KIR2DL3: variants seen among roughly 807,000 people sequenced by gnomAD.
KIR2DL3 encodes killer cell immunoglobulin like receptor, two Ig domains and long cytoplasmic tail 3, also known as killer cell immunoglobulin-like receptor 2DL3.
KIR2DL3 carries 39 observed loss-of-function variants against 33.8 expected under a neutral mutation model. The observed-to-expected ratio is 1.15, with a 90% CI of 0.89 to 1.51. The LOEUF (loss-of-function observed/expected upper bound fraction) is 1.51. KIR2DL3 is among the 40% of genes most tolerant of loss of function. KIR2DL3 has a pLI of 0.00. For missense variants in KIR2DL3, 462 were observed against 426.2 expected (o/e 1.08, Z -0.74); for synonymous variants, 174 against 160.2 (o/e 1.09, Z -0.65).
At chr19:54,741,172 T>G (rs1217609581) in intron 2 of KIR2DL3, among the ~76,000 whole-genome samples, 6 of 150,700 alleles carry the variant, frequency 4.0e-5, no homozygotes, top group East Asian at 1.9e-4. Context: ...CAAGGACAAG[T>G]TAAGAAACAA....
At chr19:54,748,331 C>A (rs1172929045) in intron 5 of KIR2DL3, among the ~76,000 whole-genome samples, 7 of 150,792 alleles carry the variant, frequency 4.6e-5, no homozygotes, top group African/African-American at 1.7e-4. Context: ...ATCCAGGATA[C>A]CCTTGTTTTA....
chr19:54,739,650 A>T, intron 2 of KIR2DL3, 108 bp downstream of exon 2: 1 of 1,579,022 alleles, frequency 6.3e-7, no homozygotes, highest in South Asian at 1.1e-5. Context: ...GGAAGAGAGG[A>T]CCCTGGGGTG....
At chr19:54,752,060 G>A (rs1600477519) in intron 6 of KIR2DL3, among the ~76,000 whole-genome samples, 156 bp from the exon 7 acceptor site, 1 of 135,732 alleles carries the variant, frequency 7.4e-6, no homozygotes, top group Admixed American at 7.6e-5. Flanking sequence ...CATGGGATGG[G>A]TCCTTGAGCT....
rs191295026 is a variant in KIR2DL3, at chr19:54,740,483, G to A, written c.70+941G>A. ...GCACACACAGGGACATACAGATGTC[G>A]GGGTTCACACACACACTCCCCCAGT... On this transcript the variant is annotated intron_variant, in intron 2 of 7. Transcript: ENST00000342376. 3.5e-3 allele frequency among the ~76,000 whole-genome samples: 531 copies of A among 151,630 alleles called. 6 individuals are homozygous for A. Among genetic ancestry groups the A allele is most frequent in the African/African-American group, 0.012 (511 of 41,250 alleles).
In KIR2DL3 at chr19:54,752,879, A is replaced by G. The variant is rs143493815; in HGVS notation, c.*360A>G. 3.7e-3 allele frequency: 1,524 copies of G among 407,704 alleles called. 5 individuals are homozygous for G. Among genetic ancestry groups the G allele is most frequent in the African/African-American group, 0.028 (1,281 of 46,136 alleles). The allele number at this position is 407,704 out of a possible 1,614,324, so 25.3% of individuals were successfully genotyped here. On this transcript the variant is annotated 3_prime_UTR_variant, in exon 8 of 8. Transcript: ENST00000342376. ...CTGAGGAACTCACAATTCCAAACAT[A>G]CAAGAGGCTCCCTCTTAACACGGCA...
At chr19:54,742,486 A>G in intron 3 of KIR2DL3, among the ~76,000 whole-genome samples, 1 of 150,254 alleles carries the variant, frequency 6.7e-6, no homozygotes, top group East Asian at 2.0e-4. Flanking sequence ...CAGGGGCCAT[A>G]CAGGGAGTTA....
At chr19:54,743,588 T>A (rs1320095718) in intron 3 of KIR2DL3, among the ~76,000 whole-genome samples, 1 of 151,534 alleles carries the variant, frequency 6.6e-6, no homozygotes, top group Non-Finnish European at 1.5e-5. Flanking sequence ...GGAAAACATA[T>A]CTAGAGGTGG....
At position 54,742,192 on chromosome 19, in the gene KIR2DL3, G is replaced by T. The variant is rs1238268609; in HGVS notation, c.283G>T (p.Ala95Ser). The change falls in exon 3 of 8, where the codon GCA becomes TCA. Residue 95 changes from alanine to serine, a missense_variant. Coordinates refer to ENST00000342376, the MANE Select transcript of KIR2DL3 (RefSeq NM_015868.3). ...CATCGGTCCCATGATGCAAGACCTTGCAGGGACCTACAGATGCTACGGTTC... is the reference window on the plus strand; with the variant it reads ...CATCGGTCCCATGATGCAAGACCTTTCAGGGACCTACAGATGCTACGGTTC... Reference protein sequence around the residue: ...FSIGPMMQDLAGTYRCYGSVT... With the variant: ...FSIGPMMQDLSGTYRCYGSVT... 1.2e-6 allele frequency: 2 copies of T among 1,614,180 alleles called. No individual in the cohort carries two copies. Among genetic ancestry groups the T allele is most frequent in the Non-Finnish European group, 1.7e-6 (2 of 1,180,044 alleles).
intron 2 of KIR2DL3, among the ~76,000 whole-genome samples, chr19:54,740,440 A>T (rs1376015073): frequency 6.9e-6 from 1 of 144,662 alleles, no homozygotes; most frequent in African/African-American, 2.5e-5. Flanking sequence ...CAGCCTTTTC[A>T]TGGGCCCTGT....
In KIR2DL3 at chr19:54,743,988, C is replaced by G. The variant is rs753091058; in HGVS notation, c.564C>G (p.Gly188=). The G allele has an allele frequency of 2.0e-5, 33 of 1,614,242 alleles. No individual in the cohort carries two copies. In the East Asian group the frequency reaches 6.9e-4, roughly 34 times the overall value. ...NGTFQADFPL[G]PATHGGTYRC... ...CATTCCAGGCCGACTTTCCTCTGGG[C>G]CCTGCCACCCACGGAGGAACCTACA... The change falls in exon 4 of 8, where the codon GGC becomes GGG. Residue 188 remains glycine, a synonymous_variant. Coordinates refer to ENST00000342376, the MANE Select transcript of KIR2DL3 (RefSeq NM_015868.3).
intron 2 of KIR2DL3, among the ~76,000 whole-genome samples, chr19:54,739,993 A>G (rs2070715474): frequency 1.3e-5 from 2 of 151,508 alleles, no homozygotes; most frequent in African/African-American, 2.4e-5. Context: ...CATGCCCTCC[A>G]CCTCATGTCT....
intron 4 of KIR2DL3, among the ~76,000 whole-genome samples, chr19:54,744,903 C>T (rs796733785): frequency 0.11 from 5,140 of 46,924 alleles, 74 homozygotes; most frequent in African/African-American, 0.17. Context: ...TATATACACA[C>T]ACACACACAT....
In KIR2DL3 at chr19:54,752,755, C is replaced by T. The variant is rs557235335; in HGVS notation, c.*236C>T. ...CACTGCCTGCTGGAGAGAAAACACACTCCTTTGCTTAGCCCACAATTCTCC... is the reference window on the plus strand; with the variant it reads ...CACTGCCTGCTGGAGAGAAAACACATTCCTTTGCTTAGCCCACAATTCTCC... On this transcript the variant is annotated 3_prime_UTR_variant, in exon 8 of 8. Coordinates refer to ENST00000342376, the MANE Select transcript of KIR2DL3 (RefSeq NM_015868.3). 1 of 644,494 alleles carries T rather than the reference C, an allele frequency of 1.6e-6. No homozygotes were observed. Among genetic ancestry groups the T allele is most frequent in the Non-Finnish European group, 2.6e-6 (1 of 387,620 alleles). 39.9% of individuals were successfully genotyped at this position (644,494 alleles called of 1,614,324 possible). A position where few individuals can be genotyped will look rare whatever the true frequency, so the allele number is the denominator to read the frequency against.
At chr19:54,739,723 G>T (rs1207825337) in intron 2 of KIR2DL3, among the ~76,000 whole-genome samples, 181 bp downstream of exon 2, 2 of 150,798 alleles carry the variant, frequency 1.3e-5, no homozygotes, top group Non-Finnish European at 2.9e-5. Context: ...GTCAAGTTCT[G>T]TGGGGACCAG....
intron 4 of KIR2DL3, among the ~76,000 whole-genome samples, chr19:54,744,346 C>T (rs2147080840): frequency 6.6e-6 from 1 of 152,206 alleles, no homozygotes; most frequent in African/African-American, 2.4e-5. Flanking sequence ...AGGAGAGAGA[C>T]TGGGCTCAGT....
intron 2 of KIR2DL3, among the ~76,000 whole-genome samples, chr19:54,740,223 G>A (rs962890086): frequency 6.6e-6 from 1 of 151,946 alleles, no homozygotes; most frequent in African/African-American, 2.4e-5. Context: ...GGAGGGAAGG[G>A]CAGTTCCACA....
At position 54,745,973 on chromosome 19, in the gene KIR2DL3, C is replaced by T. The variant is rs1180077674; in HGVS notation, c.665-1362C>T. Among the ~76,000 whole-genome samples the T allele has an allele frequency of 1.9e-4, 25 of 134,332 alleles. No homozygotes were observed. The South Asian group carries it at 3.8e-3, about 20-fold the overall frequency. 88.1% of individuals were successfully genotyped at this position (134,332 alleles called of 152,430 possible). A position where few individuals can be genotyped will look rare whatever the true frequency, so the allele number is the denominator to read the frequency against. On this transcript the variant is annotated intron_variant, in intron 4 of 7. Coordinates refer to ENST00000342376, the MANE Select transcript of KIR2DL3 (RefSeq NM_015868.3). ...AATTACAGGCACACGCCACCACGCC[C>T]AACTAAATTTTGTATTTTTAGTAGA...
At chr19:54,742,878 G>C (rs2071439693) in intron 3 of KIR2DL3, among the ~76,000 whole-genome samples, 1 of 151,396 alleles carries the variant, frequency 6.6e-6, no homozygotes, top group South Asian at 2.1e-4. Context: ...ATCACTGAGA[G>C]GCACAGAGAA....
At chr19:54,744,944 A>ATC (rs2072152865) in intron 4 of KIR2DL3, among the ~76,000 whole-genome samples, 1 of 26,820 alleles carries the variant, frequency 3.7e-5, no homozygotes, top group African/African-American at 1.2e-4. Flanking sequence ...ATATATATAT[A>ATC]TATATATATA....
Sources: allele counts gnomAD v4.1 joint callset (sites outside exome capture counted in the v4.1 genomes callset), GRCh38; gene constraint gnomAD v4.1.1; transcripts MANE v1.5; gene names NCBI Gene and HGNC (gene_info 2026-07-23, HGNC 2026-07-21).